The following ROR2 variants were observed in gnomAD, a reference collection of about 807,000 sequenced individuals.
ROR2 encodes the protein ROR family WNT receptor 2.
In ROR2, 33 loss-of-function variants were observed where a neutral mutation model predicts 74.9. The ratio of observed to expected loss-of-function variants is 0.44; its 90% CI spans 0.33 to 0.59. The LOEUF is 0.59. Ranked by LOEUF, ROR2 falls within the 20% of genes least tolerant of loss-of-function variation. The probability of loss-of-function intolerance (pLI) is 0.02; values close to 1 mark genes in which losing one functional copy is unlikely to be tolerated. For missense variants in ROR2, 1,216 were observed against 1,313.8 expected (o/e 0.93, Z 1.15); for synonymous variants, 586 against 558.7 (o/e 1.05, Z -0.69).
intron 1 of ROR2, among the ~76,000 whole-genome samples, chr9:91,922,097 C>T (rs1023603475): frequency 7.3e-6 from 1 of 136,160 alleles, no homozygotes; most frequent in African/African-American, 2.7e-5. Context: ...AACCAAACAA[C>T]AGCAACAACA....
chr9:91,874,425 C>G (rs1334856121), intron 1 of ROR2, among the ~76,000 whole-genome samples: 2 of 150,818 alleles, frequency 1.3e-5, no homozygotes, highest in African/African-American at 4.9e-5. Flanking sequence ...AATTGATGAA[C>G]TATAAACATT....
chr9:91,860,330 G>A (rs747348270), intron 1 of ROR2, among the ~76,000 whole-genome samples: 1 of 152,184 alleles, frequency 6.6e-6, no homozygotes, highest in Non-Finnish European at 1.5e-5. Flanking sequence ...GATGAATGGG[G>A]GATCTCATGA....
intron 2 of ROR2, among the ~76,000 whole-genome samples, chr9:91,765,039 T>A (rs1207848529): frequency 2.0e-5 from 3 of 152,224 alleles, no homozygotes. Context: ...TTTAGCCTCC[T>A]CAGGTCTCAG....
intron 4 of ROR2, among the ~76,000 whole-genome samples, chr9:91,747,970 T>G (rs150770732): frequency 2.0e-3 from 309 of 152,240 alleles, no homozygotes; most frequent in African/African-American, 6.7e-3. Flanking sequence ...AAATTTCAGT[T>G]AGAAGGAGGA....
chr9:91,865,335 G>C (rs1829597028), intron 1 of ROR2, among the ~76,000 whole-genome samples: 2 of 152,192 alleles, frequency 1.3e-5, no homozygotes, highest in African/African-American at 2.4e-5. Flanking sequence ...CTCCAGATTA[G>C]AGACACTCAA....
chr9:91,808,391 T>C (rs1180930877), intron 1 of ROR2, among the ~76,000 whole-genome samples: 1 of 152,204 alleles, frequency 6.6e-6, no homozygotes, highest in Non-Finnish European at 1.5e-5. Context: ...TCCTAGCATT[T>C]TGGGAGGCCG....
At chr9:91,891,521 G>A (rs1345869031) in intron 1 of ROR2, among the ~76,000 whole-genome samples, 3 of 152,036 alleles carry the variant, frequency 2.0e-5, no homozygotes, top group African/African-American at 2.4e-5. Flanking sequence ...CACCTGCCTC[G>A]GCCTCCCAAA....
chr9:91,837,048 C>G (rs1828629540), intron 1 of ROR2, among the ~76,000 whole-genome samples: 1 of 152,010 alleles, frequency 6.6e-6, no homozygotes, highest in Non-Finnish European at 1.5e-5. Context: ...TTTAAAAAAA[C>G]TGTATTCAAG....
chr9:91,772,904 T>A (rs558882084), intron 2 of ROR2, among the ~76,000 whole-genome samples: 1 of 152,314 alleles, frequency 6.6e-6, no homozygotes, highest in South Asian at 2.1e-4. Flanking sequence ...AATCCTACCT[T>A]AGAGCACTGA....
At chr9:91,739,217 C>A (rs1825136240) in intron 4 of ROR2, among the ~76,000 whole-genome samples, 1 of 152,112 alleles carries the variant, frequency 6.6e-6, no homozygotes, top group Admixed American at 6.6e-5. Context: ...GAATTCTGTT[C>A]AATTTAAGGC....
At chr9:91,832,628 C>T (rs990696781) in intron 1 of ROR2, among the ~76,000 whole-genome samples, 1 of 152,202 alleles carries the variant, frequency 6.6e-6, no homozygotes, top group African/African-American at 2.4e-5. Context: ...CCACCAGGGA[C>T]AGTAGCCTCA....
chr9:91,724,273 C>A lies in ROR2; in HGVS notation c.2221G>T (p.Asp741Tyr), dbSNP rs776360353. The change falls in exon 9 of 9, where the codon GAC becomes TAC. Residue 741 changes from aspartate to tyrosine, a missense_variant. Physicochemically the swap from Asp to Tyr is radical, Grantham distance 160 (BLOSUM62 -3). Transcript: ENST00000375708. ...EFPSRRPRFK[D>Y]IHSRLRAWGN... ...CAGGCTCGGAGCCGGCTGTGGATGT[C>A]CTTGAAGCGGGGCCGCCGGCTGGGG... is the stretch of plus-strand genomic sequence containing the variant. 3 of 1,613,370 alleles carry A rather than the reference C, an allele frequency of 1.9e-6. No individual in the cohort carries two copies. In the Admixed American group the frequency reaches 5.0e-5, roughly 27 times the overall value.
intron 1 of ROR2, among the ~76,000 whole-genome samples, chr9:91,836,623 T>C (rs976966346): frequency 6.6e-6 from 1 of 151,704 alleles, no homozygotes; most frequent in East Asian, 1.9e-4. Flanking sequence ...TGTCCTCTGG[T>C]GCGACAACGC....
At chr9:91,889,813 T>C (rs1049443852) in intron 1 of ROR2, among the ~76,000 whole-genome samples, 1 of 152,160 alleles carries the variant, frequency 6.6e-6, no homozygotes, top group African/African-American at 2.4e-5. Context: ...TTGAGGAGCC[T>C]TCAGAGGGAG....
chr9:91,819,515 CTGTGTCTGTCTTTG>C lies in ROR2; in HGVS notation c.98-43711_98-43698del, dbSNP rs530853157. Among the ~76,000 whole-genome samples, 297 of 151,612 alleles carry C rather than the reference CTGTGTCTGTCTTTG, an allele frequency of 2.0e-3. 4 individuals are homozygous for C. The highest frequency in any genetic ancestry group is 1.6e-3 in the Non-Finnish European group (108 of 67,890). ...GTCTCTGCGTGTCTTGGCGTGTGTT[CTGTGTCTGTCTTTG>C]TGTGTCTGTCTTTGAGTGTGTATCT... On this transcript the variant is annotated intron_variant, in intron 1 of 8. Transcript: ENST00000375708.
At chr9:91,802,723 C>T (rs947009584) in intron 1 of ROR2, among the ~76,000 whole-genome samples, 3 of 152,094 alleles carry the variant, frequency 2.0e-5, no homozygotes, top group Admixed American at 6.5e-5. Context: ...TGCAGTGGCA[C>T]GAGGTGCGCA....
intron 1 of ROR2, among the ~76,000 whole-genome samples, chr9:91,894,225 C>CTACTTTGCACT (rs1286011735): frequency 1.3e-5 from 2 of 152,222 alleles, no homozygotes. Flanking sequence ...ACTGGCCACT[C>CTACTTTGCACT]CCTCTACCAA....
At chr9:91,865,568 G>C (rs886066753) in intron 1 of ROR2, among the ~76,000 whole-genome samples, 1 of 152,174 alleles carries the variant, frequency 6.6e-6, no homozygotes, top group African/African-American at 2.4e-5. Flanking sequence ...TCTAAGCAAG[G>C]AAGAGATACA....
chr9:91,796,757 T>TGA (rs751395376), intron 1 of ROR2, among the ~76,000 whole-genome samples: 1 of 144,726 alleles, frequency 6.9e-6, no homozygotes. Flanking sequence ...GCTGACACCC[T>TGA]GCATTCTGTG....
Sources: gnomAD v4.1 joint callset for allele counts (sites outside exome capture counted in the v4.1 genomes callset) on GRCh38, gnomAD v4.1.1 for gene constraint, MANE v1.5 for transcripts, NCBI Gene and HGNC (gene_info 2026-07-23, HGNC 2026-07-21) for gene names.